The following SLC9A9 variants were observed in gnomAD, a reference collection of about 807,000 sequenced individuals.
SLC9A9 encodes the protein solute carrier family 9 member A9.
Under a neutral mutation model 77.8 loss-of-function variants are expected in SLC9A9, and 62 were observed. That is an observed-to-expected ratio of 0.80 (90% CI 0.65 to 0.98). The LOEUF (loss-of-function observed/expected upper bound fraction) is 0.98. SLC9A9 is among the 50% of genes least tolerant of loss of function. The pLI is 0.00. For synonymous variants in SLC9A9, 320 were observed against 283.5 expected, an observed-to-expected ratio of 1.13 and a Z score of -1.29; for missense variants, 775 against 774.9, an observed-to-expected ratio of 1.00 and a Z score of 0.00.
chr3:143,813,084 G>A (rs1035839497), intron 2 of SLC9A9, among the ~76,000 whole-genome samples: 1 of 152,048 alleles, frequency 6.6e-6, no homozygotes, highest in Admixed American at 6.6e-5. Context: ...TACCGAGTAA[G>A]GGACTAGGGG....
intron 6 of SLC9A9, among the ~76,000 whole-genome samples, chr3:143,598,342 T>C (rs894014): frequency 0.98 from 149,411 of 152,284 alleles, 73,389 homozygotes; most frequent in African/African-American, 1. Flanking sequence ...GGCACTCCTG[T>C]CTTTTTCCAG....
chr3:143,493,232 G>A (rs2035778917), intron 11 of SLC9A9, among the ~76,000 whole-genome samples: 1 of 152,208 alleles, frequency 6.6e-6, no homozygotes. Context: ...CTTTGCATAA[G>A]GAAGGAGCAG....
chr3:143,530,461 C>A (rs565061134), intron 9 of SLC9A9, among the ~76,000 whole-genome samples: 2 of 152,138 alleles, frequency 1.3e-5, no homozygotes, highest in East Asian at 3.9e-4. Flanking sequence ...GATTGTGAGG[C>A]CTCCCTAGCC....
At chr3:143,534,711 A>G (rs2036565014) in intron 9 of SLC9A9, among the ~76,000 whole-genome samples, 1 of 152,150 alleles carries the variant, frequency 6.6e-6, no homozygotes, top group African/African-American at 2.4e-5. Flanking sequence ...TTTCTTAATG[A>G]CCCAAGTGGG....
intron 14 of SLC9A9, among the ~76,000 whole-genome samples, chr3:143,272,736 GA>G (rs563988206): frequency 6.6e-6 from 1 of 152,306 alleles, no homozygotes; most frequent in East Asian, 1.9e-4. Flanking sequence ...TCAGCTTCCA[GA>G]ATGGGGAGGG....
chr3:143,322,044 G>A (rs999815791), intron 14 of SLC9A9, among the ~76,000 whole-genome samples: 2 of 152,234 alleles, frequency 1.3e-5, no homozygotes, highest in African/African-American at 4.8e-5. Context: ...CAGGAGAAGG[G>A]CTAGTTGTTG....
intron 6 of SLC9A9, among the ~76,000 whole-genome samples, chr3:143,634,958 A>G (rs1218683581): frequency 6.6e-6 from 1 of 152,088 alleles, no homozygotes; most frequent in Non-Finnish European, 1.5e-5. Flanking sequence ...GCTGAGGCTC[A>G]CTGCTGTTTT....
chr3:143,771,602 GTCCTCTT>G (rs1450442220), intron 4 of SLC9A9, among the ~76,000 whole-genome samples: 1 of 152,180 alleles, frequency 6.6e-6, no homozygotes, highest in Non-Finnish European at 1.5e-5. Context: ...ACATTTAACT[GTCCTCTT>G]TCAGCCTAAC....
chr3:143,358,399 T>C (rs2032651136), intron 14 of SLC9A9, among the ~76,000 whole-genome samples: 1 of 152,230 alleles, frequency 6.6e-6, no homozygotes, highest in Non-Finnish European at 1.5e-5. Context: ...TCTTTACACT[T>C]ATAAAATGTT....
chr3:143,435,058 G>A (rs1331853504), intron 12 of SLC9A9, among the ~76,000 whole-genome samples: 2 of 152,206 alleles, frequency 1.3e-5, no homozygotes, highest in African/African-American at 2.4e-5. Flanking sequence ...CATCAGCTGG[G>A]GGAAAATGGC....
intron 9 of SLC9A9, among the ~76,000 whole-genome samples, chr3:143,539,934 G>T (rs1313331184): frequency 2.0e-5 from 3 of 151,998 alleles, no homozygotes; most frequent in African/African-American, 7.2e-5. Context: ...AGGAGTTGGG[G>T]CTCTACATAG....
chr3:143,561,903 C>A (rs1475930425), intron 8 of SLC9A9, among the ~76,000 whole-genome samples: 1 of 152,156 alleles, frequency 6.6e-6, no homozygotes, highest in African/African-American at 2.4e-5. Flanking sequence ...ACATTCTATG[C>A]CCTTTTTCAC....
intron 9 of SLC9A9, among the ~76,000 whole-genome samples, chr3:143,537,544 G>T (rs1450201860): frequency 6.6e-6 from 1 of 152,214 alleles, no homozygotes; most frequent in Non-Finnish European, 1.5e-5. Context: ...GGCAGCTTAA[G>T]CTCCATCTTT....
intron 1 of SLC9A9, chr3:143,847,783 A>C (rs1184916228): frequency 7.8e-6 from 2 of 255,440 alleles, no homozygotes; most frequent in Non-Finnish European, 1.5e-5. Context: ...CGTAATGTTC[A>C]TCGGTGCAGC....
chr3:143,368,577 T>C (rs1438199919), intron 13 of SLC9A9, among the ~76,000 whole-genome samples: 5 of 152,194 alleles, frequency 3.3e-5, no homozygotes, highest in Admixed American at 2.0e-4. Flanking sequence ...TCATATTCAA[T>C]ATTAATGTCA....
intron 8 of SLC9A9, among the ~76,000 whole-genome samples, chr3:143,573,451 G>T (rs2037302752): frequency 6.6e-6 from 1 of 152,148 alleles, no homozygotes; most frequent in Non-Finnish European, 1.5e-5. Flanking sequence ...CCTCATGGTT[G>T]CAGAAAGGCA....
intron 6 of SLC9A9, among the ~76,000 whole-genome samples, chr3:143,643,777 CA>C (rs2038659490): frequency 6.6e-6 from 1 of 152,048 alleles, no homozygotes; most frequent in African/African-American, 2.4e-5. Context: ...GTCCTCCAAC[CA>C]CTTTCTTCCA....
intron 6 of SLC9A9, among the ~76,000 whole-genome samples, chr3:143,606,005 C>T (rs2037916151): frequency 6.6e-6 from 1 of 152,178 alleles, no homozygotes; most frequent in African/African-American, 2.4e-5. Flanking sequence ...AAAGAAAACC[C>T]TCACAAAAGA....
intron 9 of SLC9A9, among the ~76,000 whole-genome samples, chr3:143,514,013 A>G (rs1226828573): frequency 6.6e-6 from 1 of 151,514 alleles, no homozygotes; most frequent in African/African-American, 2.4e-5. Context: ...ACCCCAGGAC[A>G]GGCCTCGGTG....
Sources: gnomAD v4.1 joint callset for allele counts (sites outside exome capture counted in the v4.1 genomes callset) on GRCh38, gnomAD v4.1.1 for gene constraint, MANE v1.5 for transcripts, NCBI Gene and HGNC (gene_info 2026-07-23, HGNC 2026-07-21) for gene names.